The following ANGPT1 variants were observed in gnomAD, a reference collection of about 807,000 sequenced individuals.
ANGPT1 encodes angiopoietin-1.
Under a neutral mutation model 62.2 loss-of-function variants are expected in ANGPT1, and 17 were observed. That is an observed-to-expected ratio of 0.27 (90% CI 0.19 to 0.41). The LOEUF (loss-of-function observed/expected upper bound fraction) is 0.41, where lower values mean the gene tolerates loss of function less well. Ranked by LOEUF, ANGPT1 falls within the 10% of genes least tolerant of loss-of-function variation. ANGPT1 has a pLI of 1.00. For synonymous variants in ANGPT1, 199 were observed against 198.9 expected (o/e 1.00, Z 0.00); for missense variants, 478 against 594.9 (o/e 0.80, Z 2.04).
At chr8:107,365,331 G>A (rs1327378322) in intron 1 of ANGPT1, among the ~76,000 whole-genome samples, 1 of 152,176 alleles carries the variant, frequency 6.6e-6, no homozygotes, top group Non-Finnish European at 1.5e-5. Flanking sequence ...TCCCCCATGA[G>A]AAGTAGTGCC....
At chr8:107,333,118 T>C (rs967752732) in intron 3 of ANGPT1, among the ~76,000 whole-genome samples, 1 of 152,194 alleles carries the variant, frequency 6.6e-6, no homozygotes, top group African/African-American at 2.4e-5. Context: ...AAGTATGCTA[T>C]GTATCACAAA....
intron 1 of ANGPT1, among the ~76,000 whole-genome samples, chr8:107,481,044 G>A (rs1205782056): frequency 6.6e-6 from 1 of 152,138 alleles, no homozygotes; most frequent in Non-Finnish European, 1.5e-5. Flanking sequence ...AGTGTTTTGA[G>A]AAAGTTTGCC....
At chr8:107,315,097 G>C (rs937094723) in intron 4 of ANGPT1, among the ~76,000 whole-genome samples, 1 of 152,106 alleles carries the variant, frequency 6.6e-6, no homozygotes, top group Non-Finnish European at 1.5e-5. Flanking sequence ...AAGAAGACTA[G>C]AGGACCCATA....
rs1305717029 is a variant in ANGPT1 at position 107,317,123 on chromosome 8, G to A, written c.808+4773C>T. 3.9e-5 allele frequency among the ~76,000 whole-genome samples: 6 copies of A among 152,170 alleles called. No homozygotes were observed. In the East Asian group the frequency reaches 9.7e-4, roughly 24 times the overall value. On this transcript the variant is annotated intron_variant, in intron 4 of 8. Transcript: ENST00000517746. ...TAATATTTCTCTGTGAGCTTTGCTC[G>A]GGTCCAGGCACCCTAGGCTCACTTC... is the stretch of plus-strand genomic sequence containing the variant.
intron 3 of ANGPT1, among the ~76,000 whole-genome samples, chr8:107,326,357 G>A (rs191310433): frequency 4.6e-5 from 7 of 152,148 alleles, no homozygotes; most frequent in Middle Eastern, 3.4e-3. Flanking sequence ...CACTTGGAGC[G>A]CCCTTAATAA....
At chr8:107,284,614 T>A in intron 7 of ANGPT1, 68 bp downstream of exon 7, 3 of 1,273,076 alleles carry the variant, frequency 2.4e-6, no homozygotes, top group Non-Finnish European at 3.1e-6. Context: ...TTTTTTCATA[T>A]TTTCCCACTA....
intron 5 of ANGPT1, among the ~76,000 whole-genome samples, chr8:107,297,768 T>C (rs200537568): frequency 6.9e-4 from 99 of 142,710 alleles, no homozygotes; most frequent in East Asian, 3.1e-3. Context: ...TATATATATA[T>C]ACACACACAC....
chr8:107,385,093 T>C (rs1816707982), intron 1 of ANGPT1, among the ~76,000 whole-genome samples: 1 of 152,172 alleles, frequency 6.6e-6, no homozygotes, highest in Non-Finnish European at 1.5e-5. Flanking sequence ...GCTTTGGCCA[T>C]TCAAGCTCTT....
At chr8:107,304,526 C>T (rs1814669794) in intron 4 of ANGPT1, among the ~76,000 whole-genome samples, 1 of 151,652 alleles carries the variant, frequency 6.6e-6, no homozygotes, top group African/African-American at 2.4e-5. Context: ...AGAACTTTTA[C>T]ATTAATTTTA....
At chr8:107,404,666 A>G (rs1295474513) in intron 1 of ANGPT1, among the ~76,000 whole-genome samples, 2 of 152,136 alleles carry the variant, frequency 1.3e-5, no homozygotes, top group Non-Finnish European at 2.9e-5. Context: ...CATTTTGTAC[A>G]TCAATTTTAT....
chr8:107,397,278 T>C (rs575876896), intron 1 of ANGPT1, among the ~76,000 whole-genome samples: 1 of 152,286 alleles, frequency 6.6e-6, no homozygotes, highest in East Asian at 1.9e-4. Flanking sequence ...CCAAGGCCAA[T>C]GTGCCAAGGA....
At chr8:107,301,051 A>G (rs2129971577) in intron 5 of ANGPT1, among the ~76,000 whole-genome samples, 1 of 151,986 alleles carries the variant, frequency 6.6e-6, no homozygotes, top group East Asian at 1.9e-4. Flanking sequence ...TTCAAACTAG[A>G]GTGTAGTTGT....
intron 1 of ANGPT1, among the ~76,000 whole-genome samples, chr8:107,488,663 T>A (rs1340246438): frequency 6.6e-6 from 1 of 152,174 alleles, no homozygotes; most frequent in Non-Finnish European, 1.5e-5. Context: ...CCTTATACCT[T>A]TGTTCTTATT....
chr8:107,451,903 A>G (rs961592486), intron 1 of ANGPT1, among the ~76,000 whole-genome samples: 5 of 152,026 alleles, frequency 3.3e-5, no homozygotes, highest in African/African-American at 1.2e-4. Context: ...GCAATTTTAA[A>G]GGACTATTAA....
intron 8 of ANGPT1, among the ~76,000 whole-genome samples, chr8:107,256,166 G>A (rs1813352170): frequency 6.6e-6 from 1 of 152,130 alleles, no homozygotes; most frequent in South Asian, 2.1e-4. Flanking sequence ...TAAAGATGAT[G>A]AATTAAGATG....
At chr8:107,413,252 C>T (rs1047216741) in intron 1 of ANGPT1, among the ~76,000 whole-genome samples, 4 of 152,106 alleles carry the variant, frequency 2.6e-5, no homozygotes, top group Non-Finnish European at 5.9e-5. Flanking sequence ...ATTATGAACA[C>T]ATTAAATTTG....
chr8:107,286,615 T>C (rs1814147752), intron 6 of ANGPT1, among the ~76,000 whole-genome samples: 1 of 152,124 alleles, frequency 6.6e-6, no homozygotes, highest in East Asian at 1.9e-4. Flanking sequence ...AACATATGTG[T>C]ACACTTTTAA....
chr8:107,330,263 T>C (rs570688430), intron 3 of ANGPT1, among the ~76,000 whole-genome samples: 7 of 152,314 alleles, frequency 4.6e-5, no homozygotes, highest in Non-Finnish European at 1.0e-4. Context: ...GTCATTGTTA[T>C]GTTACAAATT....
chr8:107,337,973 G>A (rs771097956), intron 2 of ANGPT1, among the ~76,000 whole-genome samples: 1 of 152,162 alleles, frequency 6.6e-6, no homozygotes, highest in Non-Finnish European at 1.5e-5. Flanking sequence ...GTTTGTGCCT[G>A]TAGTCCCAGC....
Sources: gnomAD v4.1 joint callset for allele counts (sites outside exome capture counted in the v4.1 genomes callset) on GRCh38, gnomAD v4.1.1 for gene constraint, MANE v1.5 for transcripts, NCBI Gene and HGNC (gene_info 2026-07-23, HGNC 2026-07-21) for gene names.